TTF1: variants seen among roughly 807,000 people sequenced by gnomAD.
The protein encoded by TTF1 is transcription termination factor 1.
A neutral mutation model predicts 80.2 loss-of-function variants in TTF1; 64 were observed. The observed-to-expected ratio is 0.80, with a 90% CI of 0.65 to 0.98. TTF1 has a LOEUF of 0.98. Among genes scored for constraint, TTF1 ranks in the 50% least tolerant of loss-of-function variants. The pLI is 0.00. For missense variants in TTF1, 1,023 were observed against 1,086.2 expected, an observed-to-expected ratio of 0.94 and a Z score of 0.82; for synonymous variants, 372 against 382.7, an observed-to-expected ratio of 0.97 and a Z score of 0.33.
rs201086682 is a variant in TTF1 at position 132,402,196 on chromosome 9, T to A, written c.626A>T (p.Glu209Val). Residue 209 changes from glutamate (E) to valine (V), a missense_variant, in exon 2 of 11, where the codon GAA becomes GTA. Glu to Val is a moderately radical substitution (Grantham distance 121, BLOSUM62 -2). Transcript: ENST00000334270. ...GTTTTTATGAGCAGATGCTGGTAGT[T>A]CTGTAATTTCACCCCCTGGACCCAC... ...LSVGPGGEIT[E>V]LPASAHKNKS... 3 of 1,614,128 alleles carry A rather than the reference T, an allele frequency of 1.9e-6. No homozygotes were observed. Among genetic ancestry groups the A allele is most frequent in the Middle Eastern group, 3.3e-4 (2 of 6,062 alleles).
At chr9:132,399,311 G>A (rs1204269125) in intron 3 of TTF1, among the ~76,000 whole-genome samples, 3 of 151,310 alleles carry the variant, frequency 2.0e-5, no homozygotes, top group South Asian at 2.1e-4. Flanking sequence ...TTGTGTGTAC[G>A]TGGGTAGTGC....
intron 8 of TTF1, 76 bp downstream of exon 8, chr9:132,388,063 G>T: frequency 2.5e-6 from 3 of 1,181,072 alleles, no homozygotes; most frequent in Non-Finnish European, 3.7e-6. Flanking sequence ...TCTCACTGCA[G>T]ACTCTGCTGG....
chr9:132,399,763 G>C (rs571247997), intron 3 of TTF1, among the ~76,000 whole-genome samples: 3 of 152,000 alleles, frequency 2.0e-5, no homozygotes, highest in African/African-American at 7.2e-5. Flanking sequence ...TTAACCTCTC[G>C]TCCCTTCTCT....
intron 5 of TTF1, among the ~76,000 whole-genome samples, chr9:132,393,725 TC>T (rs1262090764): frequency 6.6e-6 from 1 of 152,196 alleles, no homozygotes; most frequent in African/African-American, 2.4e-5. Context: ...GGTTAGGGTC[TC>T]CCGGACCGAG....
intron 8 of TTF1, 152 bp downstream of exon 8, chr9:132,387,987 G>A (rs1589819541): frequency 1.9e-6 from 1 of 531,226 alleles, no homozygotes; most frequent in Non-Finnish European, 3.4e-6. Flanking sequence ...CTGAGACTTA[G>A]AAGGGTAGGT....
At chr9:132,390,469 G>C (rs1440777690) in intron 7 of TTF1, 128 bp downstream of exon 7, 1 of 799,618 alleles carries the variant, frequency 1.3e-6, no homozygotes, top group Non-Finnish European at 2.0e-6. Flanking sequence ...GAAGCAGCTG[G>C]GGCAGCAGAC....
intron 9 of TTF1, among the ~76,000 whole-genome samples, chr9:132,381,024 A>G (rs1432741787): frequency 6.6e-6 from 1 of 151,634 alleles, no homozygotes; most frequent in Non-Finnish European, 1.5e-5. Context: ...CGATCCTCCC[A>G]CTTCAGCCTC....
At chr9:132,377,522 T>A (rs868518916) in intron 10 of TTF1, among the ~76,000 whole-genome samples, 1 of 136,440 alleles carries the variant, frequency 7.3e-6, no homozygotes, top group African/African-American at 3.0e-5. Context: ...TGTGAGTGCA[T>A]GCATGTAGTG....
At chr9:132,385,452 CTG>C (rs1564184652) in intron 9 of TTF1, among the ~76,000 whole-genome samples, 1 of 152,226 alleles carries the variant, frequency 6.6e-6, no homozygotes, top group Admixed American at 6.5e-5. Flanking sequence ...GCGTGGGAGT[CTG>C]GCCTGCACAC....
At position 132,402,814 on chromosome 9, in the gene TTF1, C is replaced by T; in HGVS notation, c.8G>A (p.Gly3Glu). The T allele has an allele frequency of 4.4e-6, 7 of 1,575,710 alleles. No homozygotes were observed. Among genetic ancestry groups the T allele is most frequent in the Non-Finnish European group, 5.1e-6 (6 of 1,166,912 alleles). The change falls in exon 2 of 11, where the codon GGA (glycine) becomes GAA (glutamate). Residue 3 changes from glycine (G) to glutamate (E), a missense_variant. Coordinates refer to ENST00000334270, the MANE Select transcript of TTF1 (RefSeq NM_007344.4). ME[G>E]ESSRFEIHTP... ...GTGGATTTCAAATCTGCTTGATTCT[C>T]CTTCCATTTTATTCCTATATGGAAA...
rs376566399 is a variant in TTF1, at chr9:132,398,212, G to T, written c.1706C>A (p.Thr569Lys). Residue 569 changes from threonine to lysine, a missense_variant, in exon 4 of 11, where the codon ACG becomes AAG. By Grantham distance (78) the Thr-to-Lys change is moderately conservative. Transcript: ENST00000334270. ...GIESADKLLY[T>K]DRYPEEKSVI... ...AGATTTTTCCTCAGGATATCTGTCC[G>T]TGTACAGCAGCTTGTCTGCACTCTC... The T allele has an allele frequency of 1.2e-6, 2 of 1,601,148 alleles. No homozygotes were observed. Among genetic ancestry groups the T allele is most frequent in the Non-Finnish European group, 1.7e-6 (2 of 1,176,014 alleles).
At chr9:132,376,214 C>T in intron 10 of TTF1, 46 bp from the exon 11 acceptor site, 1 of 1,572,246 alleles carries the variant, frequency 6.4e-7, no homozygotes, top group South Asian at 1.2e-5. Context: ...CTGTACAAGG[C>T]CTCTTATCAA....
At chr9:132,378,261 T>A (rs1849281651) in intron 10 of TTF1, among the ~76,000 whole-genome samples, 2 of 133,550 alleles carry the variant, frequency 1.5e-5, no homozygotes, top group African/African-American at 2.9e-5. Context: ...GTGGTGTGTG[T>A]GAGTGCATGT....
chr9:132,383,570 C>T (rs1297347897), intron 9 of TTF1, among the ~76,000 whole-genome samples: 1 of 151,980 alleles, frequency 6.6e-6, no homozygotes, highest in Non-Finnish European at 1.5e-5. Context: ...AAAGGGGATG[C>T]GGGGTTCTTT....
chr9:132,381,918 C>T (rs116440239), intron 9 of TTF1, among the ~76,000 whole-genome samples: 1,809 of 152,268 alleles, frequency 0.012, 35 homozygotes, highest in African/African-American at 0.039. Flanking sequence ...ACACCAGTAG[C>T]CACACTTCTG....
chr9:132,382,261 G>GA (rs1849382493), intron 9 of TTF1, among the ~76,000 whole-genome samples: 2 of 152,162 alleles, frequency 1.3e-5, no homozygotes, highest in Admixed American at 6.5e-5. Context: ...AAATGCAAAT[G>GA]AAAACCACAA....
At chr9:132,387,445 A>C (rs1485559363) in intron 8 of TTF1, among the ~76,000 whole-genome samples, 1 of 152,112 alleles carries the variant, frequency 6.6e-6, no homozygotes, top group Non-Finnish European at 1.5e-5. Context: ...CCTCTCTAGC[A>C]GGGAAGACTG....
chr9:132,395,710 A>G (rs570295025), intron 5 of TTF1, among the ~76,000 whole-genome samples: 1 of 152,314 alleles, frequency 6.6e-6, no homozygotes, highest in Non-Finnish European at 1.5e-5. Flanking sequence ...TCACAGAGCT[A>G]AGCAGAACTC....
chr9:132,391,118 C>T (rs987295867), intron 6 of TTF1, among the ~76,000 whole-genome samples: 4 of 152,128 alleles, frequency 2.6e-5, no homozygotes, highest in South Asian at 4.1e-4. Flanking sequence ...GAACGTCTCC[C>T]GCATCAAACT....
Sources: allele counts gnomAD v4.1 joint callset (sites outside exome capture counted in the v4.1 genomes callset), GRCh38; gene constraint gnomAD v4.1.1; transcripts MANE v1.5; gene names NCBI Gene and HGNC (gene_info 2026-07-23, HGNC 2026-07-21).